RFX7: variants seen among roughly 807,000 people sequenced by gnomAD.
The protein encoded by RFX7 is DNA-binding protein RFX7.
In RFX7, 26 loss-of-function variants were observed where a neutral mutation model predicts 111.8. The ratio of observed to expected loss-of-function variants is 0.23; its 90% CI spans 0.17 to 0.32. The LOEUF is 0.32. Ranked by LOEUF, RFX7 falls within the 10% of genes least tolerant of loss-of-function variation. The pLI, the probability that RFX7 is intolerant of heterozygous loss-of-function variation, is 1.00. For synonymous variants in RFX7, 624 were observed against 624.4 expected (o/e 1.00, Z 0.01); for missense variants, 1,573 against 1,772.9 (o/e 0.89, Z 2.02).
At chr15:56,154,243 G>A (rs2042618104) in intron 3 of RFX7, among the ~76,000 whole-genome samples, 1 of 152,126 alleles carries the variant, frequency 6.6e-6, no homozygotes, top group Admixed American at 6.6e-5. Flanking sequence ...TCCCCATCAA[G>A]CTACCACTGA....
Position 56,087,332 on chromosome 15 carries a change from G to T in RFX7, c.*6013C>A. 1 of 435,088 alleles carries T rather than the reference G, an allele frequency of 2.3e-6. No homozygotes were observed. Among genetic ancestry groups the T allele is most frequent in the Non-Finnish European group, 4.6e-6 (1 of 215,440 alleles). 27.0% of individuals were successfully genotyped at this position (435,088 alleles called of 1,614,324 possible). On this transcript the variant is annotated 3_prime_UTR_variant, in exon 10 of 10. Transcript: ENST00000559447. ...TTCTCTCATGTAAAACACATCCAGA[G>T]GTAAGCAGTCAGGACTAGTTGGGCA... is the stretch of plus-strand genomic sequence containing the variant.
chr15:56,139,666 C>T lies in RFX7; in HGVS notation c.401+3112G>A, dbSNP rs1171008145. ...TTGTTCCGTTGCTGGTGAGGAACTG[C>T]GTTCCTTTGGAGGAGGAGAGGCGCT... On this transcript the variant is annotated intron_variant, in intron 5 of 9. Transcript: ENST00000559447. Among the ~76,000 whole-genome samples the T allele has an allele frequency of 5.3e-5, 8 of 152,210 alleles. No individual in the cohort carries two copies. In the East Asian group the frequency reaches 5.8e-4, roughly 11 times the overall value.
intron 3 of RFX7, among the ~76,000 whole-genome samples, chr15:56,153,545 C>T (rs1171688480): frequency 6.6e-6 from 1 of 152,168 alleles, no homozygotes; most frequent in Admixed American, 6.5e-5. Flanking sequence ...TGACAACAAC[C>T]ATATGATTAT....
At chr15:56,098,503 C>T in intron 8 of RFX7, 127 bp from the exon 9 acceptor site, 1 of 868,340 alleles carries the variant, frequency 1.2e-6, no homozygotes, top group South Asian at 1.8e-5. Context: ...TTTTAACTCA[C>T]AATTTCTTTA....
chr15:56,200,527 A>G (rs563684512), intron 2 of RFX7, among the ~76,000 whole-genome samples: 13 of 152,202 alleles, frequency 8.5e-5, no homozygotes, highest in African/African-American at 2.9e-4. Flanking sequence ...CATTAAGAAA[A>G]AGTCGTAAAA....
At chr15:56,131,946 T>G (rs994839599) in intron 5 of RFX7, among the ~76,000 whole-genome samples, 3 of 152,202 alleles carry the variant, frequency 2.0e-5, no homozygotes, top group Admixed American at 2.0e-4. Context: ...GAAGTTCCTA[T>G]AAACCAAAAC....
intron 2 of RFX7, among the ~76,000 whole-genome samples, chr15:56,191,600 C>T (rs113539485): frequency 3.3e-5 from 5 of 151,934 alleles, no homozygotes; most frequent in South Asian, 2.1e-4. Flanking sequence ...TTATTTTATA[C>T]ATGTTTATTT....
At chr15:56,112,008 G>A (rs1322653816) in intron 5 of RFX7, among the ~76,000 whole-genome samples, 3 of 151,850 alleles carry the variant, frequency 2.0e-5, no homozygotes, top group Admixed American at 6.6e-5. Context: ...CCAGCTACTC[G>A]GGAGGCTGAG....
chr15:56,139,870 C>T (rs189386615), intron 5 of RFX7, among the ~76,000 whole-genome samples: 251 of 152,334 alleles, frequency 1.6e-3, no homozygotes, highest in Non-Finnish European at 1.3e-3. Context: ...TTGGAATACG[C>T]TGCAGTGTGA....
chr15:56,156,828 T>C (rs2141070449), intron 3 of RFX7, among the ~76,000 whole-genome samples: 1 of 152,364 alleles, frequency 6.6e-6, no homozygotes, highest in African/African-American at 2.4e-5. Context: ...TTTCATATTA[T>C]TTATCATTTG....
Position 56,094,103 on chromosome 15 carries a change from T to C in RFX7, c.3625A>G (p.Asn1209Asp), listed in dbSNP as rs2041636862. 2.5e-6 allele frequency: 4 copies of C among 1,613,874 alleles called. No individual in the cohort carries two copies. The highest frequency in any genetic ancestry group is 2.2e-5 in the East Asian group (1 of 44,894). ...PVTPEVHVFT[N>D]VHTDACANNI... ...TTGGCACATGCGTCTGTGTGAACATTTGTGAAAACATGAACTTCTGGGGTA... is the reference window on the plus strand; with the variant it reads ...TTGGCACATGCGTCTGTGTGAACATCTGTGAAAACATGAACTTCTGGGGTA... The change falls in exon 10 of 10, where the codon AAT (asparagine) becomes GAT (aspartate). Residue 1209 changes from asparagine to aspartate, a missense_variant. Asn to Asp is a conservative substitution (Grantham distance 23). This residue lies in a region of RFX7 where 411 missense variants were observed against 478.1 expected (regional missense o/e 0.86). Transcript: ENST00000559447.
At chr15:56,152,574 G>A (rs975768133) in intron 3 of RFX7, among the ~76,000 whole-genome samples, 8 of 152,110 alleles carry the variant, frequency 5.3e-5, no homozygotes, top group Non-Finnish European at 1.2e-4. Context: ...GAAATTTATA[G>A]CACTAAATGC....
In RFX7 at chr15:56,142,787, T is replaced by C; in HGVS notation, c.392A>G (p.Asp131Gly). 6.2e-7 allele frequency: 1 copy of C among 1,613,218 alleles called. No homozygotes were observed. Among genetic ancestry groups the C allele is most frequent in the Non-Finnish European group, 8.5e-7 (1 of 1,179,480 alleles). ...TACACATACTACTTACTTGTACTCA[T>C]CATAGACTTCCTGTTTGGGCAGTGA... ...ETSLPKQEVYDEYKSYCDNLG... is the reference protein window; with the variant it reads ...ETSLPKQEVYGEYKSYCDNLG... The change falls in exon 5 of 10, where the codon GAT becomes GGT. Residue 131 changes from aspartate (D) to glycine (G), a missense_variant. Around this residue, in one of 7 missense-constraint regions of RFX7, gnomAD observed 191 missense variants for 194.2 expected, o/e 0.98. Coordinates refer to ENST00000559447, the MANE Select transcript of RFX7 (RefSeq NM_022841.7).
intron 2 of RFX7, among the ~76,000 whole-genome samples, chr15:56,240,415 T>A (rs2043675840): frequency 6.6e-6 from 1 of 152,196 alleles, no homozygotes; most frequent in Non-Finnish European, 1.5e-5. Flanking sequence ...TCCAACTCTT[T>A]TCCACTCAAC....
chr15:56,171,865 G>T (rs1162140115), intron 3 of RFX7, among the ~76,000 whole-genome samples: 1 of 152,156 alleles, frequency 6.6e-6, no homozygotes, highest in East Asian at 1.9e-4. Context: ...TGGGCCTAGA[G>T]CTTAGGATGG....
intron 5 of RFX7, among the ~76,000 whole-genome samples, chr15:56,116,751 A>G (rs2042013580): frequency 1.3e-5 from 2 of 152,228 alleles, no homozygotes; most frequent in South Asian, 2.1e-4. Context: ...AGAATGAGCT[A>G]AGAAATTATG....
At position 56,234,245 on chromosome 15, in the gene RFX7, A is replaced by T. The variant is rs181095880; in HGVS notation, c.161+8880T>A. ...ACTCAATTGATGAGTCTCCCACAAA[A>T]GAGGGTGAATGTTTTAAAGTGGTAA... On this transcript the variant is annotated intron_variant, in intron 2 of 9. Coordinates refer to ENST00000559447, the MANE Select transcript of RFX7 (RefSeq NM_022841.7). Among the ~76,000 whole-genome samples, 7 of 152,326 alleles carry T rather than the reference A, an allele frequency of 4.6e-5. No homozygotes were observed. The East Asian group carries it at 1.3e-3, about 29-fold the overall frequency.
intron 3 of RFX7, among the ~76,000 whole-genome samples, chr15:56,162,828 C>G (rs1422628883): frequency 6.6e-6 from 1 of 152,108 alleles, no homozygotes; most frequent in Admixed American, 6.6e-5. Flanking sequence ...TCTGGCCCCA[C>G]TGCCAAGTTT....
intron 2 of RFX7, among the ~76,000 whole-genome samples, chr15:56,238,136 T>C (rs1435758442): frequency 2.0e-5 from 3 of 152,190 alleles, no homozygotes; most frequent in Admixed American, 6.5e-5. Context: ...GTTAATAAAC[T>C]ACCTGATTCA....
Sources: allele counts gnomAD v4.1 joint callset (sites outside exome capture counted in the v4.1 genomes callset), GRCh38; gene constraint gnomAD v4.1.1; regional missense constraint gnomAD v4.1.1; transcripts MANE v1.5; gene names NCBI Gene and HGNC (gene_info 2026-07-23, HGNC 2026-07-21).